Variants in PTPDC1 observed in about 807,000 individuals in gnomAD.
The protein encoded by PTPDC1 is protein tyrosine phosphatase domain containing 1.
PTPDC1 carries 53 observed loss-of-function variants against 75.3 expected under a neutral mutation model. The observed-to-expected ratio is 0.70, with a 90% confidence interval of 0.56 to 0.88. PTPDC1 has a LOEUF of 0.88. Ranked by LOEUF, PTPDC1 falls within the 40% of genes least tolerant of loss-of-function variation. The probability of loss-of-function intolerance (pLI) is 0.00; values close to 1 mark genes in which losing one functional copy is unlikely to be tolerated. For synonymous variants in PTPDC1, 349 were observed against 366.2 expected, an observed-to-expected ratio of 0.95 and a Z score of 0.54; for missense variants, 925 against 998.6, an observed-to-expected ratio of 0.93 and a Z score of 0.99.
rs550965139 is a variant in PTPDC1 at position 94,084,728 on chromosome 9, C to T, written c.198C>T (p.Val66=). The change falls in exon 1 of 9, where the codon GTC becomes GTT. Residue 66 remains valine (V), a synonymous_variant. Transcript: ENST00000620992. ...AGGTGATGGTGGCTGTTTCCTCAGT[C>T]AGCCATGCAGAGGGAAACCCAACTT... ...SLQVMVAVSS[V]SHAEGNPTFP... The T allele has an allele frequency of 1.3e-4, 206 of 1,605,586 alleles. 3 individuals are homozygous for T. In the South Asian group the frequency reaches 2.2e-3, roughly 17 times the overall value.
chr9:94,052,535 GA>G (rs139598999), intron 1 of PTPDC1, among the ~76,000 whole-genome samples: 1,696 of 152,238 alleles, frequency 0.011, 30 homozygotes, highest in African/African-American at 0.039. Context: ...CAGTTACTGA[GA>G]GAAGGATGTT....
intron 4 of PTPDC1, among the ~76,000 whole-genome samples, chr9:94,093,135 A>G (rs1564030327): frequency 6.6e-6 from 1 of 152,120 alleles, no homozygotes; most frequent in Non-Finnish European, 1.5e-5. Context: ...TTATGATGTT[A>G]GCTGGTTATT....
chr9:94,095,956 AG>A (rs1827548299), intron 5 of PTPDC1, among the ~76,000 whole-genome samples: 1 of 152,196 alleles, frequency 6.6e-6, no homozygotes, highest in African/African-American at 2.4e-5. Flanking sequence ...AGTAAGTGCC[AG>A]GGCCACACTT....
chr9:94,031,404 A>G (rs987329884), intron 1 of PTPDC1, among the ~76,000 whole-genome samples: 4 of 152,008 alleles, frequency 2.6e-5, no homozygotes, highest in Admixed American at 6.6e-5. Context: ...GAGAAGTTGA[A>G]TATCGGGATT....
chr9:94,097,241 T>C (rs777343318), intron 5 of PTPDC1, 80 bp from the exon 6 acceptor site: 1 of 923,562 alleles, frequency 1.1e-6, no homozygotes, highest in Non-Finnish European at 1.6e-6. Flanking sequence ...ATTCAAATTG[T>C]AAATCATCAA....
chr9:94,054,699 C>T (rs1825883040), intron 1 of PTPDC1, among the ~76,000 whole-genome samples: 1 of 152,212 alleles, frequency 6.6e-6, no homozygotes, highest in South Asian at 2.1e-4. Context: ...CGAGTTTCTA[C>T]ACTAGACTCT....
chr9:94,078,748 GA>G (rs1436595262), intron 2 of PTPDC1, among the ~76,000 whole-genome samples: 3 of 152,128 alleles, frequency 2.0e-5, no homozygotes, highest in Non-Finnish European at 4.4e-5. Flanking sequence ...TGCCACTTCA[GA>G]TCCTCTGTTG....
intron 4 of PTPDC1, among the ~76,000 whole-genome samples, chr9:94,092,047 T>A (rs1827344927): frequency 6.7e-6 from 1 of 150,094 alleles, no homozygotes; most frequent in South Asian, 2.1e-4. Flanking sequence ...CCTGGATTCA[T>A]TAATTTATTG....
chr9:94,096,749 A>G (rs1827585161), intron 5 of PTPDC1, among the ~76,000 whole-genome samples: 2 of 152,172 alleles, frequency 1.3e-5, no homozygotes, highest in South Asian at 2.1e-4. Context: ...ATCTGGAAAA[A>G]GAATTGCCAA....
intron 1 of PTPDC1, among the ~76,000 whole-genome samples, chr9:94,035,469 T>C (rs953459124): frequency 2.0e-5 from 3 of 152,216 alleles, no homozygotes; most frequent in Non-Finnish European, 4.4e-5. Context: ...AATGGTCTCT[T>C]AGTTCTCTTA....
Position 94,087,867 on chromosome 9 carries a change from C to T in PTPDC1, c.453C>T (p.Ser151=). The stretch of plus-strand genomic sequence containing the variant: ...ATATACTGGCCATGGCCCGCCCATC[C>T]TCTGAGCTCCTGGAGAAGTACCACA... ...TDNILAMARP[S]SELLEKYHII... is the part of the protein sequence containing the mutation. Residue 151 remains serine (S), a synonymous_variant, in exon 3 of 9, where the codon TCC becomes TCT. Coordinates refer to ENST00000620992, the MANE Select transcript of PTPDC1 (RefSeq NM_001253829.2). The T allele has an allele frequency of 6.2e-7, 1 of 1,613,974 alleles. No individual in the cohort carries two copies. The highest frequency in any genetic ancestry group is 8.5e-7 in the Non-Finnish European group (1 of 1,179,860).
At chr9:94,045,991 G>A (rs1825587826) in intron 1 of PTPDC1, among the ~76,000 whole-genome samples, 1 of 152,198 alleles carries the variant, frequency 6.6e-6, no homozygotes, top group Non-Finnish European at 1.5e-5. Context: ...TAACATTTAA[G>A]TCTTTAATCC....
chr9:94,087,143 A>G (rs1332855538), intron 2 of PTPDC1, among the ~76,000 whole-genome samples: 5 of 152,196 alleles, frequency 3.3e-5, no homozygotes, highest in Non-Finnish European at 7.3e-5. Flanking sequence ...CTTCACCACC[A>G]GCTGAGTTTT....
intron 3 of PTPDC1, 95 bp downstream of exon 3, chr9:94,088,006 C>T: frequency 6.9e-7 from 1 of 1,448,220 alleles, no homozygotes; most frequent in East Asian, 2.3e-5. Context: ...TTCATTTTAA[C>T]AATAGGCAGT....
At position 94,085,262 on chromosome 9, in the gene PTPDC1, C is replaced by A. The variant is rs148472080; in HGVS notation, c.256C>A (p.Arg86Ser). The change falls in exon 2 of 9, where the codon CGT becomes AGT. Residue 86 changes from arginine (R) to serine (S), a missense_variant. Arg to Ser is a moderately radical substitution (Grantham distance 110). Transcript: ENST00000620992. ...CTTATATGTTCTAGGAAATTTAGAA[C>A]GTCCAACACCAAAGTACACAAAAGT... The part of the protein sequence containing the change: ...PERKSKGNLE[R>S]PTPKYTKVGE... The A allele has an allele frequency of 1.2e-6, 2 of 1,612,670 alleles. No individual in the cohort carries two copies. Among genetic ancestry groups the A allele is most frequent in the East Asian group, 4.5e-5 (2 of 44,850 alleles).
intron 1 of PTPDC1, among the ~76,000 whole-genome samples, chr9:94,034,127 T>C (rs1235448721): frequency 6.6e-6 from 1 of 152,220 alleles, no homozygotes; most frequent in Non-Finnish European, 1.5e-5. Flanking sequence ...GAATTTAACA[T>C]GGTAAGAAAA....
At chr9:94,071,938 C>A (rs991585208) in intron 2 of PTPDC1, among the ~76,000 whole-genome samples, 3 of 152,100 alleles carry the variant, frequency 2.0e-5, no homozygotes, top group African/African-American at 7.2e-5. Flanking sequence ...CATACAGATT[C>A]ATACATGTTT....
chr9:94,060,812 C>T (rs550237572), intron 1 of PTPDC1, among the ~76,000 whole-genome samples: 2 of 152,284 alleles, frequency 1.3e-5, no homozygotes, highest in Admixed American at 1.3e-4. Context: ...ACCCATGATC[C>T]AGTTACCTCC....
intron 1 of PTPDC1, chr9:94,038,130 A>G (rs1825326841): frequency 1.7e-6 from 1 of 588,768 alleles, no homozygotes; most frequent in Non-Finnish European, 3.2e-6. Context: ...CATAATCTCC[A>G]TGGTCTCTTC....
Sources: gnomAD v4.1 joint callset for allele counts (sites outside exome capture counted in the v4.1 genomes callset) on GRCh38, gnomAD v4.1.1 for gene constraint, MANE v1.5 for transcripts, NCBI Gene and HGNC (gene_info 2026-07-23, HGNC 2026-07-21) for gene names.